Variants in AARS1 observed in about 807,000 individuals in gnomAD.
The protein encoded by AARS1 is alanyl-tRNA synthetase 1.
In AARS1, 72 loss-of-function variants were observed where a neutral mutation model predicts 108.9. The ratio of observed to expected loss-of-function variants is 0.66; its 90% confidence interval spans 0.55 to 0.80. The LOEUF is 0.80. Ranked by LOEUF, AARS1 falls within the 30% of genes least tolerant of loss-of-function variation. The pLI, the probability that AARS1 is intolerant of heterozygous loss-of-function variation, is 0.00. For missense variants in AARS1, 1,193 were observed against 1,233.2 expected, an observed-to-expected ratio of 0.97 and a Z score of 0.49; for synonymous variants, 489 against 465.7, an observed-to-expected ratio of 1.05 and a Z score of -0.64.
Position 70,280,850 on chromosome 16 carries a change from C to T in AARS1, c.144+1770G>A, listed in dbSNP as rs185358056. ...TTTTCTTTTCTTTCCTTTTTTGAGA[C>T]AGGGTCTCACTCTGTTGTGCAGGCT... On this transcript the variant is annotated intron_variant, in intron 2 of 20. Transcript: ENST00000261772. 1.4e-3 allele frequency among the ~76,000 whole-genome samples: 212 copies of T among 152,192 alleles called. 2 individuals carry two copies. Among genetic ancestry groups the T allele is most frequent in the African/African-American group, 4.9e-3 (204 of 41,528 alleles).
At chr16:70,265,400 C>A in intron 10 of AARS1, 138 bp downstream of exon 10, 1 of 1,355,822 alleles carries the variant, frequency 7.4e-7, no homozygotes. Flanking sequence ...GGCAGACTCG[C>A]CCCCACTTGA....
chr16:70,254,676 T>C lies in AARS1; in HGVS notation c.2345A>G (p.Lys782Arg). ...ATCCTTGTTTGGAGCAGTCTGAGCC[T>C]TCACTTTGGCTTCCATGACAGAGAG... is the stretch of plus-strand genomic sequence containing the variant. ...KCLSVMEAKV[K>R]AQTAPNKDVQ... is the part of the protein sequence containing the mutation. Residue 782 changes from lysine (K) to arginine (R), a missense_variant, in exon 17 of 21, where the codon AAG becomes AGG. Lys to Arg is a conservative substitution (Grantham distance 26). Coordinates refer to ENST00000261772, the MANE Select transcript of AARS1 (RefSeq NM_001605.3). 6.2e-7 allele frequency: 1 copy of C among 1,614,144 alleles called. No homozygotes were observed. Among genetic ancestry groups the C allele is most frequent in the African/African-American group, 1.3e-5 (1 of 75,050 alleles).
Position 70,254,613 on chromosome 16 carries a change from G to A in AARS1, c.2400+8C>T, listed in dbSNP as rs113824201. The stretch of plus-strand genomic sequence containing the variant: ...CCCTGAGGACGGAGGGAGGGAAGCC[G>A]CCCCTACCTCTCCAAGGTCAGCGAT... On this transcript the variant is annotated splice_region_variant and intron_variant, in intron 17 of 20. Coordinates refer to ENST00000261772, the MANE Select transcript of AARS1 (RefSeq NM_001605.3). 10 of 1,598,544 alleles carry A rather than the reference G, an allele frequency of 6.3e-6. No individual in the cohort carries two copies. The highest frequency in any genetic ancestry group is 5.4e-5 in the African/African-American group (4 of 74,752).
At position 70,282,716 on chromosome 16, in the gene AARS1, A is replaced by T; in HGVS notation, c.48T>A (p.Asp16Glu). ...ACGTATGCTCGTTCCTCTTGAAGAA[A>T]TCTATAAATCGCTGCCGGATTTCAC... ...TASEIRQRFI[D>E]FFKRNEHTYV... The change falls in exon 2 of 21, where the codon GAT becomes GAA. Residue 16 changes from aspartate (D) to glutamate (E), a missense_variant. Transcript: ENST00000261772. 1 of 1,614,196 alleles carries T rather than the reference A, an allele frequency of 6.2e-7. No homozygotes were observed. The highest frequency in any genetic ancestry group is 8.5e-7 in the Non-Finnish European group (1 of 1,180,046).
intron 7 of AARS1, among the ~76,000 whole-genome samples, chr16:70,269,322 GAAAAAAAAAAAA>G (rs56394253): frequency 8.2e-4 from 53 of 64,250 alleles, no homozygotes; most frequent in African/African-American, 2.8e-3. Context: ...TTCTGTCTCA[GAAAAAAAAAAAA>G]AAAAAAAAAA....
At chr16:70,265,250 T>A (rs1294092091) in intron 10 of AARS1, 148 bp from the exon 11 acceptor site, 29 of 1,130,392 alleles carry the variant, frequency 2.6e-5, no homozygotes, top group Non-Finnish European at 5.2e-6. Context: ...GCCAGATCAT[T>A]CTCTGTTGTG....
intron 7 of AARS1, among the ~76,000 whole-genome samples, chr16:70,269,220 T>C (rs1037051147): frequency 2.7e-5 from 4 of 149,848 alleles, no homozygotes; most frequent in Non-Finnish European, 4.4e-5. Flanking sequence ...TTCGGGAGGC[T>C]GAGGGAAAAG....
chr16:70,289,266 G>A (rs1035796641), intron 1 of AARS1, among the ~76,000 whole-genome samples, 155 bp downstream of exon 1: 2 of 152,126 alleles, frequency 1.3e-5, no homozygotes, highest in Non-Finnish European at 2.9e-5. Flanking sequence ...GCGAACGCAA[G>A]GCCACACTGT....
At chr16:70,257,578 G>A (rs755781178) in intron 15 of AARS1, among the ~76,000 whole-genome samples, 7 of 152,148 alleles carry the variant, frequency 4.6e-5, no homozygotes, top group Non-Finnish European at 1.0e-4. Context: ...AGTCAACCAC[G>A]TGGCCTGCTC....
At chr16:70,279,051 A>G (rs890313941) in intron 2 of AARS1, among the ~76,000 whole-genome samples, 1 of 152,150 alleles carries the variant, frequency 6.6e-6, no homozygotes, top group Non-Finnish European at 1.5e-5. Flanking sequence ...AGCTACTGTC[A>G]ATAAGAAAAT....
chr16:70,252,396 A>AC lies in AARS1; in HGVS notation c.*324dup. On this transcript the variant is annotated 3_prime_UTR_variant, in exon 21 of 21. Transcript: ENST00000261772. ...GAGATCATGCGGCATTAAGTATTGC[A>AC]CGTGGTCCTTTTATTCTCTGCAGCA... 6.9e-6 allele frequency: 3 copies of AC among 436,460 alleles called. No homozygotes were observed. Among genetic ancestry groups the AC allele is most frequent in the Non-Finnish European group, 1.3e-5 (3 of 235,168 alleles). The allele number at this position is 436,460 out of a possible 1,614,324, so 27.0% of individuals were successfully genotyped here. A position where few individuals can be genotyped will look rare whatever the true frequency, so the allele number is the denominator to read the frequency against.
chr16:70,269,986 T>A (rs1215190128), intron 6 of AARS1, among the ~76,000 whole-genome samples: 3 of 152,158 alleles, frequency 2.0e-5, no homozygotes, highest in Admixed American at 6.6e-5. Context: ...CATTATTATT[T>A]TTTTTTTGTA....
Position 70,270,216 on chromosome 16 carries a change from A to G in AARS1, c.796T>C (p.Tyr266His), listed in dbSNP as rs1216095728. The G allele has an allele frequency of 3.7e-6, 6 of 1,614,194 alleles. No individual in the cohort carries two copies. The highest frequency in any genetic ancestry group is 5.1e-6 in the Non-Finnish European group (6 of 1,180,028). The change falls in exon 6 of 21, where the codon TAC (tyrosine) becomes CAC (histidine). Residue 266 changes from tyrosine to histidine, a missense_variant. Tyr to His is a moderately conservative substitution (Grantham distance 83). Coordinates refer to ENST00000261772, the MANE Select transcript of AARS1 (RefSeq NM_001605.3). The stretch of plus-strand genomic sequence containing the variant: ...AGTACCTTCTGAATGGCTTCAAAGT[A>G]AGGGACAAAAAGGTCAGTGTCATAG... ...SNYDTDLFVPYFEAIQKGTGA... is the reference protein window; with the variant it reads ...SNYDTDLFVPHFEAIQKGTGA...
intron 2 of AARS1, among the ~76,000 whole-genome samples, chr16:70,279,358 A>AAAAT (rs1203390107): frequency 1.4e-5 from 2 of 143,016 alleles, no homozygotes; most frequent in Non-Finnish European, 3.0e-5. Context: ...CTCAAAAAAA[A>AAAAT]AAAAAAAAAA....
At position 70,277,129 on chromosome 16, in the gene AARS1, A is replaced by G. The variant is rs567262501; in HGVS notation, c.170T>C (p.Ile57Thr). 7 of 1,614,016 alleles carry G rather than the reference A, an allele frequency of 4.3e-6. No individual in the cohort carries two copies. Among genetic ancestry groups the G allele is most frequent in the East Asian group, 2.2e-5 (1 of 44,894 alleles). ...CTTTGCCATGGGGTGAGATGGGTCA[A>G]TTGTGTTCAGGAAAATGGGTTTAAA... ...NQFKPIFLNT[I>T]DPSHPMAKLS... The change falls in exon 3 of 21, where the codon ATT becomes ACT. Residue 57 changes from isoleucine (I) to threonine (T), a missense_variant. Ile to Thr is a moderately conservative substitution (Grantham distance 89, BLOSUM62 -1). Transcript: ENST00000261772.
In AARS1 at chr16:70,265,543, C is replaced by T. The variant is rs766157143; in HGVS notation, c.1342G>A (p.Ala448Thr). The change falls in exon 10 of 21, where the codon GCC becomes ACC. Residue 448 changes from alanine (A) to threonine (T), a missense_variant. Coordinates refer to ENST00000261772, the MANE Select transcript of AARS1 (RefSeq NM_001605.3). ...TCACTCTCCAAGTTCTTTACCTGGG[C>T]CAGTTTCCTCTCCTCTTCAAAGCCA... ...MDGFEEERKL[A>T]QLKSQGKGAG... The T allele has an allele frequency of 6.2e-7, 1 of 1,613,916 alleles. No homozygotes were observed. The highest frequency in any genetic ancestry group is 1.7e-5 in the Admixed American group (1 of 59,996).
chr16:70,254,067 T>A, intron 17 of AARS1, 29 bp from the exon 18 acceptor site: 1 of 1,613,084 alleles, frequency 6.2e-7, no homozygotes, highest in East Asian at 2.2e-5. Context: ...CATCTCAATC[T>A]GGGCCACAAC....
At chr16:70,279,308 G>T (rs567041990) in intron 2 of AARS1, among the ~76,000 whole-genome samples, 3 of 133,422 alleles carry the variant, frequency 2.2e-5, no homozygotes, top group Non-Finnish European at 4.6e-5. Context: ...CTGAGATTGC[G>T]TCACTGAATT....
chr16:70,274,704 G>A (rs1035604738), intron 4 of AARS1, among the ~76,000 whole-genome samples: 2 of 143,110 alleles, frequency 1.4e-5, no homozygotes, highest in Admixed American at 7.3e-5. Flanking sequence ...AGCTCTGGGC[G>A]ACAGAGCGAG....
Sources: gnomAD v4.1 joint callset for allele counts (sites outside exome capture counted in the v4.1 genomes callset) on GRCh38, gnomAD v4.1.1 for gene constraint, MANE v1.5 for transcripts, NCBI Gene and HGNC (gene_info 2026-07-23, HGNC 2026-07-21) for gene names.